The following ZFHX4 variants were observed in gnomAD, a reference collection of about 807,000 sequenced individuals.
The protein encoded by ZFHX4 is zinc finger homeobox 4.
Under a neutral mutation model 267.6 loss-of-function variants are expected in ZFHX4, and 56 were observed. That is an observed-to-expected ratio of 0.21 (90% CI 0.17 to 0.26). ZFHX4 has a LOEUF of 0.26. ZFHX4 is among the 10% of genes least tolerant of loss of function. ZFHX4 has a pLI of 1.00. For missense variants in ZFHX4, 4,332 were observed against 4,420.0 expected, an observed-to-expected ratio of 0.98 and a Z score of 0.56; for synonymous variants, 1,778 against 1,665.6, an observed-to-expected ratio of 1.07 and a Z score of -1.64.
At chr8:76,758,371 CA>C (rs1809819778) in intron 3 of ZFHX4, among the ~76,000 whole-genome samples, 1 of 151,952 alleles carries the variant, frequency 6.6e-6, no homozygotes, top group Non-Finnish European at 1.5e-5. Context: ...GATTTATAAA[CA>C]ATAAAAAAAG....
rs541028752 is a variant in ZFHX4, at chr8:76,737,213, C to G, written c.3093+29165C>G. On this transcript the variant is annotated intron_variant, in intron 3 of 10. Coordinates refer to ENST00000651372, the MANE Select transcript of ZFHX4 (RefSeq NM_024721.5). ...CTCTGAGTACTATGAGTAAATTTAC[C>G]CTCTCTCACATACTTACCCAGTTTG... 2.6e-5 allele frequency among the ~76,000 whole-genome samples: 4 copies of G among 152,098 alleles called. No individual in the cohort carries two copies. The East Asian group carries it at 7.7e-4, about 29-fold the overall frequency.
chr8:76,839,540 A>T (rs528182388), intron 5 of ZFHX4, among the ~76,000 whole-genome samples: 1 of 152,320 alleles, frequency 6.6e-6, no homozygotes, highest in Admixed American at 6.5e-5. Flanking sequence ...GTATTTCATG[A>T]GGCAAAAGAA....
intron 4 of ZFHX4, among the ~76,000 whole-genome samples, chr8:76,816,590 CTTTTTTTTTT>C (rs950143569): frequency 1.8e-5 from 2 of 113,022 alleles, no homozygotes; most frequent in East Asian, 2.4e-4. Flanking sequence ...ATTTAAATGT[CTTTTTTTTTT>C]TTTTTTTTTT....
Position 76,706,476 on chromosome 8 carries a change from G to A in ZFHX4, c.2388G>A (p.Met796Ile). The change falls in exon 2 of 11, where the codon ATG becomes ATA. Residue 796 changes from methionine to isoleucine, a missense_variant. Physicochemically the swap from Met to Ile is conservative, Grantham distance 10. Around this residue, in one of 7 missense-constraint regions of ZFHX4, gnomAD observed 1,195 missense variants for 1,173.6 expected, o/e 1.02. Transcript: ENST00000651372. The part of the protein sequence containing the change: ...MTSEKHMHNM[M>I]LLQQNMKQIQ... ...GCGAAAAGCACATGCATAATATGAT[G>A]CTTTTGCAGCAGAACATGAAGCAGA... 6.2e-7 allele frequency: 1 copy of A among 1,614,004 alleles called. No homozygotes were observed. The highest frequency in any genetic ancestry group is 8.5e-7 in the Non-Finnish European group (1 of 1,179,934).
intron 3 of ZFHX4, among the ~76,000 whole-genome samples, chr8:76,761,843 G>C (rs2131731238): frequency 6.6e-6 from 1 of 152,284 alleles, no homozygotes; most frequent in African/African-American, 2.4e-5. Flanking sequence ...CTTTGCCTCT[G>C]TACATAGAGA....
intron 5 of ZFHX4, among the ~76,000 whole-genome samples, chr8:76,835,249 A>ATG (rs1259546326): frequency 2.1e-3 from 199 of 93,538 alleles, no homozygotes; most frequent in East Asian, 7.0e-3. Flanking sequence ...ATGTATATAT[A>ATG]TATATATATA....
At chr8:76,804,555 T>A (rs1410071937) in intron 4 of ZFHX4, among the ~76,000 whole-genome samples, 1 of 152,050 alleles carries the variant, frequency 6.6e-6, no homozygotes, top group Non-Finnish European at 1.5e-5. Context: ...AATACATATA[T>A]ATTATCATTT....
chr8:76,708,970 A>G (rs1331069498), intron 3 of ZFHX4, among the ~76,000 whole-genome samples: 8 of 152,196 alleles, frequency 5.3e-5, no homozygotes, highest in Non-Finnish European at 8.8e-5. Context: ...AGTCATTGTA[A>G]CAAGCTCTAA....
chr8:76,718,197 T>C (rs1199258090), intron 3 of ZFHX4, among the ~76,000 whole-genome samples: 1 of 152,188 alleles, frequency 6.6e-6, no homozygotes, highest in Non-Finnish European at 1.5e-5. Flanking sequence ...TTAAACCAAA[T>C]AGTGTTTTTT....
chr8:76,773,237 G>A (rs1041955005), intron 3 of ZFHX4, among the ~76,000 whole-genome samples: 13 of 151,782 alleles, frequency 8.6e-5, no homozygotes, highest in Admixed American at 3.3e-4. Flanking sequence ...TAATATAGAA[G>A]GACCCAGGTT....
chr8:76,809,029 C>CT (rs1811312707), intron 4 of ZFHX4, among the ~76,000 whole-genome samples: 1 of 151,834 alleles, frequency 6.6e-6, no homozygotes, highest in Non-Finnish European at 1.5e-5. Context: ...TCTAGTGCAC[C>CT]TTAATCTTTC....
intron 3 of ZFHX4, among the ~76,000 whole-genome samples, chr8:76,717,318 T>A (rs1190246136): frequency 6.6e-6 from 1 of 152,234 alleles, no homozygotes; most frequent in Admixed American, 6.5e-5. Context: ...CTCAAAATTC[T>A]GCTAATGATT....
intron 1 of ZFHX4, among the ~76,000 whole-genome samples, chr8:76,694,887 T>G (rs1051759257): frequency 6.6e-6 from 1 of 151,786 alleles, no homozygotes; most frequent in Non-Finnish European, 1.5e-5. Flanking sequence ...TGATATATTT[T>G]TAGATAAAGC....
intron 4 of ZFHX4, among the ~76,000 whole-genome samples, chr8:76,831,210 T>G (rs2131886950): frequency 6.6e-6 from 1 of 152,332 alleles, no homozygotes; most frequent in Non-Finnish European, 1.5e-5. Flanking sequence ...TTATTTTTAT[T>G]TTCATTAATC....
chr8:76,827,325 C>A (rs1038948657), intron 4 of ZFHX4, among the ~76,000 whole-genome samples: 1 of 152,150 alleles, frequency 6.6e-6, no homozygotes, highest in African/African-American at 2.4e-5. Flanking sequence ...GGAGCTCAGG[C>A]GACAAGGCTT....
At position 76,704,341 on chromosome 8, in the gene ZFHX4, T is replaced by C. The variant is rs1808185876; in HGVS notation, c.253T>C (p.Cys85Arg). The C allele has an allele frequency of 6.2e-7, 1 of 1,614,010 alleles. No individual in the cohort carries two copies. The highest frequency in any genetic ancestry group is 1.7e-5 in the Admixed American group (1 of 60,022). Residue 85 changes from cysteine (C) to arginine (R), a missense_variant, in exon 2 of 11, where the codon TGT becomes CGT. Physicochemically the swap from Cys to Arg is radical, Grantham distance 180 (BLOSUM62 -3). Around this residue, in one of 7 missense-constraint regions of ZFHX4, gnomAD observed 1,195 missense variants for 1,173.6 expected, o/e 1.02. Transcript: ENST00000651372. ...TSAKEIPCNE[C>R]ATSFPSLQKY... ...AGCAAAGGAGATACCCTGCAACGAA[T>C]GTGCCACTTCTTTTCCCAGTTTACA... is the stretch of plus-strand genomic sequence containing the variant.
chr8:76,838,778 A>G (rs2728450), intron 5 of ZFHX4, among the ~76,000 whole-genome samples: 85,737 of 151,986 alleles, frequency 0.56, 25,891 homozygotes, highest in African/African-American at 0.79. Flanking sequence ...AATAAGGGCC[A>G]GGCACGGTGG....
chr8:76,699,318 C>G (rs1371494596), intron 1 of ZFHX4, among the ~76,000 whole-genome samples: 1 of 152,132 alleles, frequency 6.6e-6, no homozygotes, highest in African/African-American at 2.4e-5. Context: ...AACCTTTTCA[C>G]TTAATATTTT....
intron 3 of ZFHX4, among the ~76,000 whole-genome samples, chr8:76,776,131 G>A (rs1382957393): frequency 6.6e-6 from 1 of 151,970 alleles, no homozygotes; most frequent in African/African-American, 2.4e-5. Context: ...TTCCCAGTAG[G>A]TGTGGAAAGG....
Sources: allele counts gnomAD v4.1 joint callset (sites outside exome capture counted in the v4.1 genomes callset), GRCh38; gene constraint gnomAD v4.1.1; regional missense constraint gnomAD v4.1.1; transcripts MANE v1.5; gene names NCBI Gene and HGNC (gene_info 2026-07-23, HGNC 2026-07-21).